The following ZBTB17 variants were observed in gnomAD, a reference collection of about 807,000 sequenced individuals.
ZBTB17 encodes zinc finger and BTB domain containing 17.
In ZBTB17, 24 loss-of-function variants were observed where a neutral mutation model predicts 85.1. The observed-to-expected ratio is 0.28, with a 90% confidence interval of 0.20 to 0.40. ZBTB17 has a LOEUF of 0.40. Among genes scored for constraint, ZBTB17 ranks in the 10% least tolerant of loss-of-function variants. The pLI, the probability that ZBTB17 is intolerant of heterozygous loss-of-function variation, is 1.00. For synonymous variants in ZBTB17, 464 were observed against 460.2 expected, an observed-to-expected ratio of 1.01 and a Z score of -0.11; for missense variants, 743 against 1,105.1, an observed-to-expected ratio of 0.67 and a Z score of 4.65.
chr1:15,943,744 G>C, intron 10 of ZBTB17, 29 bp from the exon 11 acceptor site: 1 of 1,612,900 alleles, frequency 6.2e-7, no homozygotes, highest in Non-Finnish European at 8.5e-7. Context: ...CGAACCTGGC[G>C]TGGGGCACCA....
At chr1:15,958,649 GCCCCAGCC>G (rs1287399175) in intron 2 of ZBTB17, among the ~76,000 whole-genome samples, 1 of 152,164 alleles carries the variant, frequency 6.6e-6, no homozygotes, top group African/African-American at 2.4e-5. Flanking sequence ...CTGGGTCTGA[GCCCCAGCC>G]CCTTGACCTT....
rs1003781339 is a variant in ZBTB17 at position 15,953,641 on chromosome 1, G to A, written c.-2-5144C>T. Among the ~76,000 whole-genome samples the A allele has an allele frequency of 2.3e-4, 35 of 151,900 alleles. No individual in the cohort carries two copies. Among genetic ancestry groups the A allele is most frequent in the Admixed American group, 2.2e-3 (33 of 15,256 alleles). On this transcript the variant is annotated intron_variant, in intron 2 of 15. Coordinates refer to ENST00000375743, the MANE Select transcript of ZBTB17 (RefSeq NM_003443.3). The surrounding 1 kb of genome is among the most constrained non-coding windows in gnomAD (Gnocchi z 5.1). ...CCACTCTGGTGCCAAGTTCCATACT[G>A]CTGCCTCCACGACGCAGGGATTCCA...
chr1:15,944,384 G>A lies in ZBTB17; in HGVS notation c.1287C>T (p.Asp429=). 5.1e-6 allele frequency: 8 copies of A among 1,560,160 alleles called. No homozygotes were observed. Among genetic ancestry groups the A allele is most frequent in the Non-Finnish European group, 6.9e-6 (8 of 1,152,426 alleles). Residue 429 remains aspartate, a synonymous_variant, in exon 9 of 16, where the codon GAC becomes GAT. Coordinates refer to ENST00000375743, the MANE Select transcript of ZBTB17 (RefSeq NM_003443.3). ...QCDYCGRSFS[D]PTSKMRHLET... ...CCAGGTGGCGCATCTTGGAAGTGGG[G>A]TCGGAGAAGGAGCGGCCGCAGTAGT... is the stretch of plus-strand genomic sequence containing the variant.
At chr1:15,975,938 C>T (rs924452495) in intron 1 of ZBTB17, 45 bp downstream of exon 1, 13 of 697,050 alleles carry the variant, frequency 1.9e-5, no homozygotes, top group Admixed American at 6.1e-5. Context: ...GCCTCCGCCC[C>T]GGCTCCCGGG....
At chr1:15,962,142 G>A (rs2072281864) in intron 2 of ZBTB17, among the ~76,000 whole-genome samples, 1 of 152,202 alleles carries the variant, frequency 6.6e-6, no homozygotes, top group South Asian at 2.1e-4. Flanking sequence ...GGGAGGTTGA[G>A]GCTGCAGTGA....
chr1:15,943,355 ACTGTGGGGTGT>A, intron 12 of ZBTB17, 33 bp downstream of exon 12: 7 of 1,580,750 alleles, frequency 4.4e-6, no homozygotes, highest in Non-Finnish European at 6.0e-6. Flanking sequence ...GAGCCCCCTC[ACTGTGGGGTGT>A]CTGGCCAGTG....
rs1312673445 is a variant in ZBTB17 at position 15,953,777 on chromosome 1, A to G, written c.-2-5280T>C. Among the ~76,000 whole-genome samples the G allele has an allele frequency of 2.0e-5, 3 of 152,206 alleles. No individual in the cohort carries two copies. Among genetic ancestry groups the G allele is most frequent in the Non-Finnish European group, 4.4e-5 (3 of 68,024 alleles). On this transcript the variant is annotated intron_variant, in intron 2 of 15. Transcript: ENST00000375743. The surrounding 1 kb of genome is among the most constrained non-coding windows in gnomAD (Gnocchi z 5.1). ...GGTGATCTCCAGCAAAGCTTCTCCA[A>G]TGGCCAACAGGGCTAATGGTATGAC...
At chr1:15,967,447 G>A (rs887241249) in intron 2 of ZBTB17, among the ~76,000 whole-genome samples, 1 of 151,722 alleles carries the variant, frequency 6.6e-6, no homozygotes, top group Non-Finnish European at 1.5e-5. Context: ...GGAAGGCTGA[G>A]ATAGATGGAT....
At chr1:15,946,359 T>A in intron 4 of ZBTB17, 65 bp from the exon 5 acceptor site, 1 of 1,576,730 alleles carries the variant, frequency 6.3e-7, no homozygotes, top group East Asian at 2.3e-5. Flanking sequence ...AGGTGTGAGG[T>A]GGCCCAGAAC....
chr1:15,971,876 A>G (rs900270436), intron 2 of ZBTB17, among the ~76,000 whole-genome samples: 1 of 129,288 alleles, frequency 7.7e-6, no homozygotes, highest in African/African-American at 3.1e-5. Context: ...AGGAAAATTA[A>G]TAGTCATTAC....
At chr1:15,971,302 G>A (rs2072641963) in intron 2 of ZBTB17, among the ~76,000 whole-genome samples, 1 of 150,458 alleles carries the variant, frequency 6.6e-6, no homozygotes, top group Non-Finnish European at 1.5e-5. Flanking sequence ...GTGGGTGGGG[G>A]AAATCTCTCT....
At chr1:15,945,633 G>C in intron 6 of ZBTB17, 82 bp downstream of exon 6, 1 of 1,567,242 alleles carries the variant, frequency 6.4e-7, no homozygotes, top group Non-Finnish European at 8.6e-7. Context: ...GGCAGGAGGA[G>C]AGGGAGGCCC....
At position 15,942,037 on chromosome 1, in the gene ZBTB17, C is replaced by T; in HGVS notation, c.2344G>A (p.Ala782Thr). 1 of 1,610,886 alleles carries T rather than the reference C, an allele frequency of 6.2e-7. No individual in the cohort carries two copies. Among genetic ancestry groups the T allele is most frequent in the Non-Finnish European group, 8.5e-7 (1 of 1,179,944 alleles). Residue 782 changes from alanine to threonine, a missense_variant, in exon 16 of 16, where the codon GCT becomes ACT. This residue lies in a region of ZBTB17 where 69 missense variants were observed against 77.0 expected (regional missense o/e 0.90). Coordinates refer to ENST00000375743, the MANE Select transcript of ZBTB17 (RefSeq NM_003443.3). ...GELVFRPRDGAEGQPALAETS... is the reference protein window; with the variant it reads ...GELVFRPRDGTEGQPALAETS... ...TCTGCCAGTGCGGGCTGGCCCTCAG[C>T]CCCGTCGCGAGGGCGGAAGACCAGC... is the stretch of plus-strand genomic sequence containing the variant.
At chr1:15,956,529 C>T (rs56048916) in intron 2 of ZBTB17, among the ~76,000 whole-genome samples, 22,690 of 152,126 alleles carry the variant, frequency 0.15, 2,717 homozygotes, top group African/African-American at 0.33. Flanking sequence ...ATGTCCATTC[C>T]ATTAATCACA....
Position 15,953,386 on chromosome 1 carries a change from G to T in ZBTB17, c.-2-4889C>A, listed in dbSNP as rs1463356230. ...TTGATCCAGTCATGGCACAGAGTGT[G>T]CTGGCCAAGGCTGGGTTGCTCCCAA... On this transcript the variant is annotated intron_variant, in intron 2 of 15. Coordinates refer to ENST00000375743, the MANE Select transcript of ZBTB17 (RefSeq NM_003443.3). This position sits in a 1 kb window ranked among gnomAD's most constrained non-coding sequence, Gnocchi z 5.1. 2.6e-5 allele frequency among the ~76,000 whole-genome samples: 4 copies of T among 152,284 alleles called. No homozygotes were observed. In the East Asian group the frequency reaches 7.7e-4, roughly 29 times the overall value.
intron 9 of ZBTB17, 43 bp from the exon 10 acceptor site, chr1:15,943,938 G>C (rs1198116145): frequency 6.5e-7 from 1 of 1,538,834 alleles, no homozygotes. Context: ...CACAGAGCTC[G>C]GCCCCGGGCC....
chr1:15,971,163 C>A (rs1312816257), intron 2 of ZBTB17, among the ~76,000 whole-genome samples: 1 of 151,822 alleles, frequency 6.6e-6, no homozygotes, highest in Non-Finnish European at 1.5e-5. Flanking sequence ...GGCACCATTA[C>A]TGCACCAAGA....
intron 2 of ZBTB17, among the ~76,000 whole-genome samples, chr1:15,954,982 C>T (rs914910259): frequency 6.6e-6 from 1 of 152,176 alleles, no homozygotes; most frequent in Non-Finnish European, 1.5e-5. Flanking sequence ...TGGCAAAGCC[C>T]ATTTCTACTA....
rs2071832416 is a variant in ZBTB17, at chr1:15,951,334, A to AGAGAGGGAGGGG, written c.-2-2838_-2-2837insCCCCTCCCTCTC. On this transcript the variant is annotated intron_variant, in intron 2 of 15. Transcript: ENST00000375743. This position sits in a 1 kb window ranked among gnomAD's most constrained non-coding sequence, Gnocchi z 4.1. ...AAGGAAGGAAGGGAGAGAGGGAGGG[A>AGAGAGGGAGGGG]GGGAGGGGCCCTGTACCCACAGAGA... 7.4e-6 allele frequency among the ~76,000 whole-genome samples: 1 copy of AGAGAGGGAGGGG among 135,536 alleles called. No homozygotes were observed. Among genetic ancestry groups the AGAGAGGGAGGGG allele is most frequent in the Non-Finnish European group, 1.6e-5 (1 of 63,396 alleles). 88.9% of individuals were successfully genotyped at this position (135,536 alleles called of 152,430 possible). A position where few individuals can be genotyped will look rare whatever the true frequency, so the allele number is the denominator to read the frequency against.
Sources: allele counts gnomAD v4.1 joint callset (sites outside exome capture counted in the v4.1 genomes callset), GRCh38; gene constraint gnomAD v4.1.1; regional missense constraint gnomAD v4.1.1; non-coding constraint Gnocchi (gnomAD v3.1); transcripts MANE v1.5; gene names NCBI Gene and HGNC (gene_info 2026-07-23, HGNC 2026-07-21).